Variants in GKAP1 observed in about 807,000 individuals in gnomAD.
GKAP1 encodes G kinase-anchoring protein 1.
GKAP1 carries 31 observed loss-of-function variants against 56.7 expected under a neutral mutation model. The ratio of observed to expected loss-of-function variants is 0.55; its 90% CI spans 0.41 to 0.74. The LOEUF is 0.74. Among genes scored for constraint, GKAP1 ranks in the 30% least tolerant of loss-of-function variants. GKAP1 has a pLI of 0.00. For missense variants in GKAP1, 364 were observed against 402.3 expected (o/e 0.90, Z 0.82); for synonymous variants, 151 against 138.6 (o/e 1.09, Z -0.63).
At chr9:83,743,176 AT>A (rs1364210891) in intron 10 of GKAP1, among the ~76,000 whole-genome samples, 3 of 152,050 alleles carry the variant, frequency 2.0e-5, no homozygotes, top group Admixed American at 2.0e-4. Flanking sequence ...AAAAATACAT[AT>A]TTTTTAATTG....
At chr9:83,758,305 C>A (rs957769433) in intron 8 of GKAP1, among the ~76,000 whole-genome samples, 7 of 152,208 alleles carry the variant, frequency 4.6e-5, no homozygotes, top group Admixed American at 1.3e-4. Context: ...AAATACCAAG[C>A]AACTTACAGC....
chr9:83,812,326 C>CACACGTATATATATACACGTATATATAT (rs1026724244), intron 2 of GKAP1, among the ~76,000 whole-genome samples: 1 of 146,378 alleles, frequency 6.8e-6, no homozygotes, highest in African/African-American at 2.5e-5. Flanking sequence ...TGTATATATA[C>CACACGTATATATATACACGTATATATAT]ACACGTATAT....
rs1943848234 is a variant in GKAP1 at position 83,775,762 on chromosome 9, C to G, written c.585+4620G>C. On this transcript the variant is annotated intron_variant, in intron 7 of 12. Transcript: ENST00000376371. Reference sequence around the variant, plus strand: ...TGGTGCTGGGCGCCTGTAATCCCAGCTACTCGGGAAGCTGAGGCTCAAGAA... The same window carrying G: ...TGGTGCTGGGCGCCTGTAATCCCAGGTACTCGGGAAGCTGAGGCTCAAGAA... 2.0e-5 allele frequency among the ~76,000 whole-genome samples: 3 copies of G among 150,058 alleles called. No homozygotes were observed. The Admixed American group carries it at 2.0e-4, about 10-fold the overall frequency.
At chr9:83,800,930 T>G (rs1378561842) in intron 3 of GKAP1, among the ~76,000 whole-genome samples, 3 of 152,232 alleles carry the variant, frequency 2.0e-5, no homozygotes, top group Non-Finnish European at 4.4e-5. Context: ...TGCTGAATTG[T>G]GAATCGGTCT....
intron 8 of GKAP1, among the ~76,000 whole-genome samples, chr9:83,756,470 CAAAAAAAAA>C (rs142896755): frequency 2.7e-5 from 2 of 75,444 alleles, no homozygotes; most frequent in Non-Finnish European, 4.9e-5. Context: ...GACTCCATCT[CAAAAAAAAA>C]AAAAAAAAAA....
chr9:83,744,173 C>T (rs147827851), intron 10 of GKAP1, among the ~76,000 whole-genome samples: 182 of 152,280 alleles, frequency 1.2e-3, no homozygotes, highest in African/African-American at 4.1e-3. Flanking sequence ...TAAACACTTG[C>T]TGAAAACTAG....
chr9:83,752,151 C>T (rs1374422347), intron 9 of GKAP1, among the ~76,000 whole-genome samples: 2 of 152,162 alleles, frequency 1.3e-5, no homozygotes, highest in African/African-American at 2.4e-5. Flanking sequence ...CGCCTGTAAC[C>T]CCAACACCCT....
chr9:83,768,432 T>C (rs1943699909), intron 8 of GKAP1, among the ~76,000 whole-genome samples: 1 of 152,216 alleles, frequency 6.6e-6, no homozygotes, highest in South Asian at 2.1e-4. Context: ...CTCTTTTTTA[T>C]TGTTCATATC....
chr9:83,790,640 AC>A (rs1183310876), intron 4 of GKAP1, among the ~76,000 whole-genome samples: 101 of 132,374 alleles, frequency 7.6e-4, no homozygotes, highest in Admixed American at 3.8e-3. Context: ...ACAAAACAAA[AC>A]AAAAAAACAA....
chr9:83,811,547 C>T (rs1387173707), intron 2 of GKAP1, among the ~76,000 whole-genome samples: 2 of 152,110 alleles, frequency 1.3e-5, no homozygotes, highest in African/African-American at 2.4e-5. Context: ...GAACCAATGA[C>T]AAACACTCAA....
chr9:83,755,574 G>C (rs1943460782), intron 8 of GKAP1, among the ~76,000 whole-genome samples: 1 of 150,904 alleles, frequency 6.6e-6, no homozygotes, highest in South Asian at 2.1e-4. Flanking sequence ...TATTATCTTT[G>C]AATAAGAAGC....
At chr9:83,795,650 G>A (rs1016006738) in intron 4 of GKAP1, among the ~76,000 whole-genome samples, 1 of 137,000 alleles carries the variant, frequency 7.3e-6, no homozygotes, top group African/African-American at 2.7e-5. Flanking sequence ...GAAGTGCACT[G>A]GCATGATCAC....
Position 83,748,325 on chromosome 9 carries a change from C to T in GKAP1, c.888G>A (p.Met296Ile). 6.3e-7 allele frequency: 1 copy of T among 1,597,542 alleles called. No homozygotes were observed. The highest frequency in any genetic ancestry group is 1.1e-5 in the South Asian group (1 of 89,150). Residue 296 changes from methionine (M) to isoleucine (I), a missense_variant, in exon 10 of 13, where the codon ATG becomes ATA. Met to Ile is a conservative substitution (Grantham distance 10, BLOSUM62 1). Coordinates refer to ENST00000376371, the MANE Select transcript of GKAP1 (RefSeq NM_025211.4). ...VKARNAQLLK[M>I]LQEGEMKDKA... is the part of the protein sequence containing the mutation. Reference sequence around the variant, plus strand: ...TCCACTTACTTTCACCTTCCTGAAGCATTTTCAATAATTGTGCATTTCTTG... The same window carrying T: ...TCCACTTACTTTCACCTTCCTGAAGTATTTTCAATAATTGTGCATTTCTTG...
chr9:83,816,404 G>T (rs1398833051), intron 2 of GKAP1, among the ~76,000 whole-genome samples: 1 of 152,192 alleles, frequency 6.6e-6, no homozygotes, highest in Non-Finnish European at 1.5e-5. Context: ...CAGGTACTCA[G>T]TGAGGACCTG....
At chr9:83,807,474 T>A (rs1443311935) in intron 2 of GKAP1, among the ~76,000 whole-genome samples, 2 of 152,198 alleles carry the variant, frequency 1.3e-5, no homozygotes, top group Admixed American at 1.3e-4. Flanking sequence ...CTCAGAAATT[T>A]GTATTTTGAA....
intron 9 of GKAP1, among the ~76,000 whole-genome samples, chr9:83,750,773 T>C (rs1445722452): frequency 6.6e-6 from 1 of 152,218 alleles, no homozygotes; most frequent in Non-Finnish European, 1.5e-5. Context: ...GCTTGTAACG[T>C]GCCAGCTACT....
chr9:83,746,235 T>C (rs767622102), intron 10 of GKAP1, among the ~76,000 whole-genome samples: 1 of 152,236 alleles, frequency 6.6e-6, no homozygotes, highest in Non-Finnish European at 1.5e-5. Flanking sequence ...TATTTTGTAA[T>C]GTAGTTTAAA....
At chr9:83,749,383 T>C (rs746774975) in intron 9 of GKAP1, among the ~76,000 whole-genome samples, 23 of 152,058 alleles carry the variant, frequency 1.5e-4, no homozygotes, top group Non-Finnish European at 2.9e-4. Context: ...TGTGCCACCA[T>C]GACTGGCTAA....
At chr9:83,807,042 A>C (rs1316388317) in intron 2 of GKAP1, among the ~76,000 whole-genome samples, 1 of 152,210 alleles carries the variant, frequency 6.6e-6, no homozygotes, top group Non-Finnish European at 1.5e-5. Context: ...TTGATTCTAG[A>C]GACTGTGATT....
Sources: gnomAD v4.1 joint callset for allele counts (sites outside exome capture counted in the v4.1 genomes callset) on GRCh38, gnomAD v4.1.1 for gene constraint, MANE v1.5 for transcripts, NCBI Gene and HGNC (gene_info 2026-07-23, HGNC 2026-07-21) for gene names.